CSNK1G1: variants seen among roughly 807,000 people sequenced by gnomAD.
CSNK1G1 encodes the protein casein kinase I isoform gamma-1.
Under a neutral mutation model 59.6 loss-of-function variants are expected in CSNK1G1, and 22 were observed. The observed-to-expected ratio is 0.37, with a 90% CI of 0.26 to 0.53. CSNK1G1 has a LOEUF of 0.53. Among genes scored for constraint, CSNK1G1 ranks in the 20% least tolerant of loss-of-function variants. CSNK1G1 has a pLI of 0.89. For missense variants in CSNK1G1, 384 were observed against 519.5 expected, an observed-to-expected ratio of 0.74 and a Z score of 2.54; for synonymous variants, 179 against 177.1, an observed-to-expected ratio of 1.01 and a Z score of -0.08.
chr15:64,320,757 G>T (rs950419716), intron 1 of CSNK1G1, among the ~76,000 whole-genome samples: 5 of 151,128 alleles, frequency 3.3e-5, no homozygotes, highest in Admixed American at 6.6e-5. Flanking sequence ...GTTTTCAGAA[G>T]TTGCTTAACA....
At chr15:64,248,084 A>G (rs2140313879) in intron 4 of CSNK1G1, among the ~76,000 whole-genome samples, 1 of 152,340 alleles carries the variant, frequency 6.6e-6, no homozygotes, top group South Asian at 2.1e-4. Flanking sequence ...TGGCTTTGGC[A>G]CAAAAGGTTG....
intron 2 of CSNK1G1, among the ~76,000 whole-genome samples, chr15:64,277,780 A>G (rs1210344531): frequency 1.5e-5 from 2 of 132,536 alleles, no homozygotes; most frequent in South Asian, 2.2e-4. Context: ...TATATTTAAT[A>G]ATATATTAAT....
intron 11 of CSNK1G1, chr15:64,180,119 A>C: frequency 3.9e-6 from 2 of 515,554 alleles, no homozygotes; most frequent in South Asian, 4.5e-5. Flanking sequence ...TCGGTTCACT[A>C]TGTCTTTTTC....
At position 64,298,305 on chromosome 15, in the gene CSNK1G1, G is replaced by C. The variant is rs572300685; in HGVS notation, c.181+2014C>G. Reference sequence around the variant, plus strand: ...TTGTCTGATGTTTTGAGAATTCAAAGATTTAGATGCTTTAGAAACTGCCTC... The same window carrying C: ...TTGTCTGATGTTTTGAGAATTCAAACATTTAGATGCTTTAGAAACTGCCTC... On this transcript the variant is annotated intron_variant, in intron 2 of 11. Transcript: ENST00000303052. Among the ~76,000 whole-genome samples, 3 of 152,272 alleles carry C rather than the reference G, an allele frequency of 2.0e-5. No individual in the cohort carries two copies. In the South Asian group the frequency reaches 6.2e-4, roughly 32 times the overall value.
intron 4 of CSNK1G1, among the ~76,000 whole-genome samples, chr15:64,220,875 A>C (rs939854136): frequency 2.6e-5 from 4 of 152,174 alleles, no homozygotes; most frequent in African/African-American, 9.7e-5. Flanking sequence ...AATTCTAAAA[A>C]AATTCTTTCA....
chr15:64,189,051 A>G (rs56165872), intron 10 of CSNK1G1, among the ~76,000 whole-genome samples: 29,235 of 151,992 alleles, frequency 0.19, 3,879 homozygotes, highest in African/African-American at 0.38. Flanking sequence ...GCTTAAACCC[A>G]GGAGGTGGAG....
Position 64,277,508 on chromosome 15 carries a change from C to T in CSNK1G1, c.182-18267G>A, listed in dbSNP as rs1390161320. ...ATACATAAAATAATACATATACACA[C>T]ACTTTTACCCCTGCTACAAGTTTTC... is the stretch of plus-strand genomic sequence containing the variant. On this transcript the variant is annotated intron_variant, in intron 2 of 11. Transcript: ENST00000303052. 2.0e-5 allele frequency among the ~76,000 whole-genome samples: 3 copies of T among 149,636 alleles called. No homozygotes were observed. In the South Asian group the frequency reaches 6.3e-4, roughly 31 times the overall value.
chr15:64,324,261 CA>C (rs1419483118), intron 1 of CSNK1G1, among the ~76,000 whole-genome samples: 1 of 152,150 alleles, frequency 6.6e-6, no homozygotes, highest in Non-Finnish European at 1.5e-5. Context: ...CTGAAGGATG[CA>C]AAGTAATGTT....
intron 1 of CSNK1G1, among the ~76,000 whole-genome samples, chr15:64,307,158 G>A (rs955604584): frequency 1.2e-4 from 18 of 151,880 alleles, no homozygotes; most frequent in South Asian, 1.0e-3. Context: ...AGTTAATAAC[G>A]TGTCAATATT....
intron 2 of CSNK1G1, among the ~76,000 whole-genome samples, chr15:64,261,706 A>T (rs1346854984): frequency 6.6e-6 from 1 of 152,028 alleles, no homozygotes; most frequent in Admixed American, 6.6e-5. Context: ...GCACTTGGGG[A>T]GGGCGAGGCA....
At chr15:64,181,514 T>C (rs950645457) in intron 10 of CSNK1G1, 32 of 1,263,244 alleles carry the variant, frequency 2.5e-5, no homozygotes, top group African/African-American at 3.0e-5. Context: ...CTATTTGAGA[T>C]TGTTTCTTAT....
intron 4 of CSNK1G1, among the ~76,000 whole-genome samples, chr15:64,237,880 T>C (rs1384504689): frequency 6.6e-6 from 1 of 152,200 alleles, no homozygotes; most frequent in Non-Finnish European, 1.5e-5. Flanking sequence ...CAAAGCCTGA[T>C]AACCTCTATT....
chr15:64,268,254 T>C (rs1314858407), intron 2 of CSNK1G1, among the ~76,000 whole-genome samples: 11 of 152,166 alleles, frequency 7.2e-5, no homozygotes, highest in South Asian at 2.1e-4. Context: ...ATCTCACTTA[T>C]ATGTGGAATC....
At position 64,170,229 on chromosome 15, in the gene CSNK1G1, T is replaced by A. The variant is rs1305024631; in HGVS notation, c.*1702A>T. The A allele has an allele frequency of 1.3e-5, 2 of 152,136 alleles. No individual in the cohort carries two copies. The highest frequency in any genetic ancestry group is 2.9e-5 in the Non-Finnish European group (2 of 68,030). The allele number at this position is 152,136 out of a possible 1,614,324, so 9.4% of individuals were successfully genotyped here. On this transcript the variant is annotated 3_prime_UTR_variant, in exon 12 of 12. Coordinates refer to ENST00000303052, the MANE Select transcript of CSNK1G1 (RefSeq NM_022048.5). ...AGTAACTCCACACATGAAAGACTTG[T>A]CAAACAGTGAATGAGGAACCAGATC... is the stretch of plus-strand genomic sequence containing the variant.
At chr15:64,285,097 C>G (rs1894338440) in intron 2 of CSNK1G1, among the ~76,000 whole-genome samples, 1 of 151,908 alleles carries the variant, frequency 6.6e-6, no homozygotes, top group African/African-American at 2.4e-5. Flanking sequence ...CTTATAATAA[C>G]CTCTATTTTC....
intron 4 of CSNK1G1, among the ~76,000 whole-genome samples, chr15:64,227,097 G>A (rs2082472966): frequency 6.6e-6 from 1 of 152,226 alleles, no homozygotes; most frequent in African/African-American, 2.4e-5. Context: ...ACAACTCAGT[G>A]CGATGGCACT....
At position 64,214,236 on chromosome 15, in the gene CSNK1G1, T is replaced by C; in HGVS notation, c.445-112A>G. 1 of 767,228 alleles carries C rather than the reference T, an allele frequency of 1.3e-6. No individual in the cohort carries two copies. Among genetic ancestry groups the C allele is most frequent in the East Asian group, 2.6e-5 (1 of 38,906 alleles). The allele number at this position is 767,228 out of a possible 1,614,324, so 47.5% of individuals were successfully genotyped here. On this transcript the variant is annotated intron_variant, in intron 5 of 11. Transcript: ENST00000303052. The surrounding 1 kb of genome is among the most constrained non-coding windows in gnomAD (Gnocchi z 4.3). ...TTAATTATTGAAATAACAGTAAAATTCATCTCCTTTCACCGCCCTGAGTCA... is the reference window on the plus strand; with the variant it reads ...TTAATTATTGAAATAACAGTAAAATCCATCTCCTTTCACCGCCCTGAGTCA...
intron 2 of CSNK1G1, chr15:64,265,673 A>G: frequency 2.8e-6 from 1 of 353,602 alleles, no homozygotes; most frequent in Admixed American, 3.7e-5. Context: ...AAAAAAAAAA[A>G]AAAACCTAGG....
At chr15:64,191,996 G>C (rs2081978632) in intron 10 of CSNK1G1, among the ~76,000 whole-genome samples, 1 of 152,176 alleles carries the variant, frequency 6.6e-6, no homozygotes, top group Admixed American at 6.5e-5. Flanking sequence ...GGAAATAGAT[G>C]AAACCAAAGA....
Sources: gnomAD v4.1 joint callset for allele counts (sites outside exome capture counted in the v4.1 genomes callset) on GRCh38, gnomAD v4.1.1 for gene constraint, Gnocchi (gnomAD v3.1) non-coding constraint, MANE v1.5 for transcripts, NCBI Gene and HGNC (gene_info 2026-07-23, HGNC 2026-07-21) for gene names.